The following DOP1B variants were observed in gnomAD, a reference collection of about 807,000 sequenced individuals.
The protein encoded by DOP1B is DOP1 leucine zipper like protein B, also known as protein DOP1B.
Under a neutral mutation model 233.5 loss-of-function variants are expected in DOP1B, and 174 were observed. The observed-to-expected ratio is 0.75, with a 90% CI of 0.66 to 0.85. The LOEUF (loss-of-function observed/expected upper bound fraction) is 0.85. Ranked by LOEUF, DOP1B falls within the 40% of genes least tolerant of loss-of-function variation. The pLI is 0.00. For synonymous variants in DOP1B, 1,190 were observed against 1,185.6 expected (o/e 1.00, Z -0.08); for missense variants, 2,652 against 2,846.6 (o/e 0.93, Z 1.56).
At chr21:36,265,159 G>A (rs1024406538) in intron 26 of DOP1B, among the ~76,000 whole-genome samples, 4 of 152,230 alleles carry the variant, frequency 2.6e-5, no homozygotes, top group Admixed American at 2.6e-4. Flanking sequence ...ACTTTGGGAG[G>A]CCAAGGTGGG....
chr21:36,284,380 C>T (rs2067458420), intron 32 of DOP1B, among the ~76,000 whole-genome samples: 1 of 148,310 alleles, frequency 6.7e-6, no homozygotes, highest in Admixed American at 7.0e-5. Flanking sequence ...AAGCAATTCT[C>T]CTGCCTCAGC....
At position 36,293,325 on chromosome 21, in the gene DOP1B, C is replaced by T. The variant is rs766998376; in HGVS notation, c.6651C>T (p.Ile2217=). The part of the protein sequence containing the change: ...LELLKLKFGE[I]SSSDEITMKS... ...TGGGTTTGTTTTTTCTGCAGGAAAT[C>T]AGTAGCTCTGATGAGATCACCATGA... The change falls in exon 37 of 37, where the codon ATC becomes ATT. Residue 2217 remains isoleucine, a synonymous_variant. Transcript: ENST00000691173. The T allele has an allele frequency of 6.2e-7, 1 of 1,612,658 alleles. No individual in the cohort carries two copies. The highest frequency in any genetic ancestry group is 2.2e-5 in the East Asian group (1 of 44,854).
At chr21:36,179,491 A>G (rs1227076738) in intron 2 of DOP1B, among the ~76,000 whole-genome samples, 2 of 152,218 alleles carry the variant, frequency 1.3e-5, no homozygotes, top group Non-Finnish European at 2.9e-5. Flanking sequence ...TTTTAATTCC[A>G]TAGACACATA....
chr21:36,247,649 A>G, intron 20 of DOP1B, 21 bp downstream of exon 20: 1 of 1,502,848 alleles, frequency 6.7e-7, no homozygotes. Flanking sequence ...TTTTTTCCTG[A>G]GTTCAAGGCA....
Position 36,260,729 on chromosome 21 carries a change from A to G in DOP1B, c.5312A>G (p.Gln1771Arg). Reference protein sequence around the residue: ...PVLQFCYAFLQRLPVPALQEN... With the variant: ...PVLQFCYAFLRRLPVPALQEN... ...TTGCAGTTTTGCTATGCTTTTCTCCAAAGGTAATACAGTCCCCCGTCCTCC... is the reference window on the plus strand; with the variant it reads ...TTGCAGTTTTGCTATGCTTTTCTCCGAAGGTAATACAGTCCCCCGTCCTCC... The change falls in exon 24 of 37, where the codon CAA (glutamine) becomes CGA (arginine). Residue 1771 changes from glutamine to arginine, a missense_variant. Gln to Arg is a conservative substitution (Grantham distance 43, BLOSUM62 1). Coordinates refer to ENST00000691173, the MANE Select transcript of DOP1B (RefSeq NM_001320714.2). 6.2e-7 allele frequency: 1 copy of G among 1,614,096 alleles called. No individual in the cohort carries two copies. The highest frequency in any genetic ancestry group is 8.5e-7 in the Non-Finnish European group (1 of 1,180,014).
At chr21:36,272,269 C>T (rs931853204) in intron 27 of DOP1B, among the ~76,000 whole-genome samples, 6 of 152,068 alleles carry the variant, frequency 3.9e-5, no homozygotes, top group Non-Finnish European at 7.4e-5. Context: ...GAGAGGATGG[C>T]TTGAGGCTAC....
chr21:36,283,577 A>G (rs754891018), intron 32 of DOP1B, among the ~76,000 whole-genome samples: 2 of 152,224 alleles, frequency 1.3e-5, no homozygotes, highest in Non-Finnish European at 2.9e-5. Context: ...TAACAAGTCC[A>G]GTTGGCGTGC....
At chr21:36,289,309 C>G in intron 35 of DOP1B, 103 bp downstream of exon 35, 1 of 1,228,762 alleles carries the variant, frequency 8.1e-7, no homozygotes. Flanking sequence ...GGGAAACCAC[C>G]ATCTGGGTTT....
intron 27 of DOP1B, 126 bp from the exon 28 acceptor site, chr21:36,276,895 G>T: frequency 1.3e-6 from 1 of 762,490 alleles, no homozygotes; most frequent in Non-Finnish European, 2.2e-6. Flanking sequence ...GAATACCTGA[G>T]TCATATGGAC....
intron 14 of DOP1B, among the ~76,000 whole-genome samples, chr21:36,231,603 G>A (rs950146764): frequency 1.3e-5 from 2 of 152,002 alleles, no homozygotes; most frequent in African/African-American, 4.8e-5. Flanking sequence ...CCTAGAACAT[G>A]AGTGGCATTC....
At chr21:36,214,354 C>T (rs961178325) in intron 8 of DOP1B, 88 bp from the exon 9 acceptor site, 4 of 1,409,064 alleles carry the variant, frequency 2.8e-6, no homozygotes, top group Non-Finnish European at 3.9e-6. Flanking sequence ...CCTTCTGTCC[C>T]AGAGTATTTA....
At chr21:36,247,746 G>A (rs1316613646) in intron 20 of DOP1B, 118 bp downstream of exon 20, 6 of 674,812 alleles carry the variant, frequency 8.9e-6, no homozygotes. Context: ...TATGCGTATG[G>A]AGGTGATGCA....
intron 2 of DOP1B, among the ~76,000 whole-genome samples, chr21:36,195,286 A>C (rs2066276976): frequency 6.9e-6 from 1 of 145,492 alleles, no homozygotes; most frequent in South Asian, 2.3e-4. Context: ...GGTTGCAGTG[A>C]GCTGAGATTG....
intron 27 of DOP1B, among the ~76,000 whole-genome samples, 163 bp from the exon 28 acceptor site, chr21:36,276,858 A>G (rs1462805889): frequency 6.6e-6 from 1 of 150,854 alleles, no homozygotes; most frequent in Admixed American, 6.6e-5. Context: ...AAAAAAAAAA[A>G]AGAAAAAGCT....
At chr21:36,291,986 G>A (rs903607580) in intron 35 of DOP1B, 118 bp from the exon 36 acceptor site, 3 of 1,144,206 alleles carry the variant, frequency 2.6e-6, no homozygotes, top group Non-Finnish European at 2.4e-6. Context: ...ATAATAAAAG[G>A]CATTGAGTTG....
At chr21:36,288,914 G>A in intron 34 of DOP1B, 103 bp downstream of exon 34, 1 of 1,454,434 alleles carries the variant, frequency 6.9e-7, no homozygotes, top group East Asian at 2.3e-5. Context: ...TTATCTTGAA[G>A]TACTTGTGAA....
intron 5 of DOP1B, 58 bp downstream of exon 5, chr21:36,208,962 C>G (rs1056527204): frequency 2.1e-6 from 3 of 1,433,442 alleles, no homozygotes; most frequent in Non-Finnish European, 2.7e-6. Context: ...GCACAGCATC[C>G]TCATGGGCAG....
chr21:36,178,058 C>G (rs1209839320), intron 2 of DOP1B, among the ~76,000 whole-genome samples: 1 of 152,208 alleles, frequency 6.6e-6, no homozygotes, highest in Non-Finnish European at 1.5e-5. Context: ...AATTGTGTTT[C>G]TCCTTCTCCC....
chr21:36,269,048 G>C (rs1478525126), intron 26 of DOP1B, among the ~76,000 whole-genome samples: 1 of 152,186 alleles, frequency 6.6e-6, no homozygotes, highest in Non-Finnish European at 1.5e-5. Context: ...CTCCTAAAAA[G>C]AAAAATGTGG....
Sources: allele counts gnomAD v4.1 joint callset (sites outside exome capture counted in the v4.1 genomes callset), GRCh38; gene constraint gnomAD v4.1.1; transcripts MANE v1.5; gene names NCBI Gene and HGNC (gene_info 2026-07-23, HGNC 2026-07-21).